Variants in SLC9A3 observed in about 807,000 individuals in gnomAD.
SLC9A3 encodes the protein solute carrier family 9 member A3.
A neutral mutation model predicts 86.8 loss-of-function variants in SLC9A3; 37 were observed. That is an observed-to-expected ratio of 0.43 (90% CI 0.33 to 0.56). The LOEUF is 0.56. Among genes scored for constraint, SLC9A3 ranks in the 20% least tolerant of loss-of-function variants. The pLI is 0.06. For synonymous variants in SLC9A3, 581 were observed against 528.3 expected (o/e 1.10, Z -1.37); for missense variants, 1,011 against 1,171.9 (o/e 0.86, Z 2.00).
chr5:511,222 GAACTATAA>G (rs950471572), intron 1 of SLC9A3, among the ~76,000 whole-genome samples: 2 of 152,242 alleles, frequency 1.3e-5, no homozygotes, highest in African/African-American at 4.8e-5. Context: ...GTAAAAGACA[GAACTATAA>G]AATTTCTAGA....
intron 1 of SLC9A3, among the ~76,000 whole-genome samples, chr5:493,499 G>A (rs746605370): frequency 3.3e-5 from 5 of 152,378 alleles, no homozygotes; most frequent in South Asian, 2.1e-4. Flanking sequence ...TTGCAGGGCC[G>A]GGTGCTGGCC....
In SLC9A3 at chr5:475,123, T is replaced by C; in HGVS notation, c.2261A>G (p.Asn754Ser). 6.3e-7 allele frequency: 1 copy of C among 1,593,328 alleles called. No homozygotes were observed. The highest frequency in any genetic ancestry group is 8.6e-7 in the Non-Finnish European group (1 of 1,169,020). The change falls in exon 16 of 17, where the codon AAC becomes AGC. Residue 754 changes from asparagine (N) to serine (S), a missense_variant. Asn to Ser is a conservative substitution (Grantham distance 46, BLOSUM62 1). Around this residue, in one of 3 missense-constraint regions of SLC9A3, gnomAD observed 397 missense variants for 346.3 expected, o/e 1.15. Coordinates refer to ENST00000264938, the MANE Select transcript of SLC9A3 (RefSeq NM_004174.4). ...TASDSPAGID[N>S]PVFSPDEALD... ...GGCCTCGTCCGGAGAAAACACAGGG[T>C]TGTCAATTCCTAGGAGAGAGGGCAG... is the stretch of plus-strand genomic sequence containing the variant.
At chr5:511,453 A>G (rs1740865716) in intron 1 of SLC9A3, among the ~76,000 whole-genome samples, 1 of 152,268 alleles carries the variant, frequency 6.6e-6, no homozygotes, top group Non-Finnish European at 1.5e-5. Context: ...CTCATAGGAA[A>G]AATAAACAAC....
chr5:485,004 G>T lies in SLC9A3; in HGVS notation c.754+149C>A, dbSNP rs568370106. The T allele has an allele frequency of 7.0e-5, 48 of 686,594 alleles. No homozygotes were observed. The South Asian group carries it at 7.7e-4, about 11-fold the overall frequency. 42.5% of individuals were successfully genotyped at this position (686,594 alleles called of 1,614,324 possible). On this transcript the variant is annotated intron_variant, in intron 4 of 16. Transcript: ENST00000264938. ...GACCATGTCAAATCGTGTGTGAATC[G>T]CTCTGGACGGGGACGTGACGTGGAC... is the stretch of plus-strand genomic sequence containing the variant.
Position 491,723 on chromosome 5 carries a change from G to C in SLC9A3, c.514+46C>G. The C allele has an allele frequency of 3.4e-6, 5 of 1,453,454 alleles. No individual in the cohort carries two copies. Among genetic ancestry groups the C allele is most frequent in the African/African-American group, 1.4e-5 (1 of 70,924 alleles). 90.0% of individuals were successfully genotyped at this position (1,453,454 alleles called of 1,614,324 possible). ...GAGATGAGGCAGCGCCGCCCCTCCC[G>C]GACCCCACCCTGATCCCGGCCGGGG... On this transcript the variant is annotated intron_variant, in intron 2 of 16. Coordinates refer to ENST00000264938, the MANE Select transcript of SLC9A3 (RefSeq NM_004174.4). The surrounding 1 kb of genome is among the most constrained non-coding windows in gnomAD (Gnocchi z 9.2).
rs183743722 is a variant in SLC9A3, at chr5:508,213, G to A, written c.211+15899C>T. On this transcript the variant is annotated intron_variant, in intron 1 of 16. Coordinates refer to ENST00000264938, the MANE Select transcript of SLC9A3 (RefSeq NM_004174.4). ...ACGCAGGCCTCAGGATGGAGTAGCC[G>A]CAGGCAGACGCAGTCCTCAGCGCGC... 7.8e-4 allele frequency among the ~76,000 whole-genome samples: 116 copies of A among 149,242 alleles called. 2 individuals carry two copies. Among genetic ancestry groups the A allele is most frequent in the African/African-American group, 2.8e-3 (113 of 40,570 alleles).
chr5:484,812 C>A, intron 4 of SLC9A3, 115 bp from the exon 5 acceptor site: 1 of 986,122 alleles, frequency 1.0e-6, no homozygotes, highest in Non-Finnish European at 1.5e-6. Flanking sequence ...GTGGATCCCT[C>A]ACTCTCTTGG....
rs553300408 is a variant in SLC9A3, at chr5:471,635, C to A, written c.*1744G>T. The A allele has an allele frequency of 2.4e-4, 95 of 392,888 alleles. No individual in the cohort carries two copies. The highest frequency in any genetic ancestry group is 1.8e-3 in the African/African-American group (89 of 48,232). The allele number at this position is 392,888 out of a possible 1,614,324, so 24.3% of individuals were successfully genotyped here. A position where few individuals can be genotyped will look rare whatever the true frequency, so the allele number is the denominator to read the frequency against. On this transcript the variant is annotated 3_prime_UTR_variant, in exon 17 of 17. Transcript: ENST00000264938. ...CAGTAGGGTCACTGACTGGGCAGGG[C>A]TTGCTGCATAGAGGATGGCTGCATT...
At position 475,015 on chromosome 5, in the gene SLC9A3, T is replaced by A. The variant is rs1364910814; in HGVS notation, c.2369A>T (p.Gln790Leu). ...TVVPSQRART[Q>L]IPYSPGTFCR... The stretch of plus-strand genomic sequence containing the variant: ...GAAGGTGCCGGGAGAGTAGGGAATC[T>A]GCGTGCGGGCCCTCTGCGAGGGGAC... The change falls in exon 16 of 17, where the codon CAG becomes CTG. Residue 790 changes from glutamine (Q) to leucine (L), a missense_variant. Physicochemically the swap from Gln to Leu is moderately radical, Grantham distance 113. Coordinates refer to ENST00000264938, the MANE Select transcript of SLC9A3 (RefSeq NM_004174.4). 1 of 1,612,194 alleles carries A rather than the reference T, an allele frequency of 6.2e-7. No homozygotes were observed. The highest frequency in any genetic ancestry group is 1.3e-5 in the African/African-American group (1 of 74,848).
chr5:500,204 G>A (rs559002799), intron 1 of SLC9A3, among the ~76,000 whole-genome samples: 6 of 152,356 alleles, frequency 3.9e-5, no homozygotes, highest in South Asian at 4.1e-4. Context: ...GGAACCAGGC[G>A]GTGTGGGACC....
At position 494,165 on chromosome 5, in the gene SLC9A3, C is replaced by G. The variant is rs376425248; in HGVS notation, c.212-2094G>C. On this transcript the variant is annotated intron_variant, in intron 1 of 16. Transcript: ENST00000264938. ...GAAGGTGCTCCCCAGCTGGGAGTGG[C>G]TGTGATGCACGTGAGAAGTCCTGGG... Among the ~76,000 whole-genome samples, 97 of 152,382 alleles carry G rather than the reference C, an allele frequency of 6.4e-4. 4 individuals carry two copies. The East Asian group carries it at 0.012, about 19-fold the overall frequency.
At chr5:490,904 A>G (rs554008839) in intron 2 of SLC9A3, among the ~76,000 whole-genome samples, 1 of 152,254 alleles carries the variant, frequency 6.6e-6, no homozygotes, top group East Asian at 1.9e-4. Context: ...GCGCCAAGGA[A>G]CCACGTGCTG....
At position 508,011 on chromosome 5, in the gene SLC9A3, C is replaced by T. The variant is rs934477586; in HGVS notation, c.212-15940G>A. ...CACCCCACAGACGCCTGAATCTCCC[C>T]GCTACACCCAAATGCCCACCCACAC... On this transcript the variant is annotated intron_variant, in intron 1 of 16. Transcript: ENST00000264938. Among the ~76,000 whole-genome samples the T allele has an allele frequency of 3.9e-5, 6 of 152,184 alleles. No individual in the cohort carries two copies. The South Asian group carries it at 1.0e-3, about 26-fold the overall frequency.
chr5:509,062 C>T (rs768730267), intron 1 of SLC9A3, among the ~76,000 whole-genome samples: 8 of 151,186 alleles, frequency 5.3e-5, no homozygotes, highest in African/African-American at 1.5e-4. Context: ...GAGCTGAGAT[C>T]GCACCACTGC....
chr5:473,056 G>A lies in SLC9A3; in HGVS notation c.*323C>T, dbSNP rs1043597458. 122 of 318,798 alleles carry A rather than the reference G, an allele frequency of 3.8e-4. No homozygotes were observed. The highest frequency in any genetic ancestry group is 4.9e-4 in the Non-Finnish European group (87 of 177,322). 19.7% of individuals were successfully genotyped at this position (318,798 alleles called of 1,614,324 possible). A position where few individuals can be genotyped will look rare whatever the true frequency, so the allele number is the denominator to read the frequency against. ...AGCTTCAGCAGCGCGGGGCGGCGGC[G>A]CGCGCGAGGCCGCTGGAACGAGCGC... On this transcript the variant is annotated 3_prime_UTR_variant, in exon 17 of 17. Transcript: ENST00000264938.
At chr5:521,376 G>A (rs966811109) in intron 1 of SLC9A3, among the ~76,000 whole-genome samples, 13 of 152,236 alleles carry the variant, frequency 8.5e-5, no homozygotes, top group African/African-American at 3.1e-4. Flanking sequence ...CAAGCTGCCT[G>A]GAGTAGAAAT....
At position 473,157 on chromosome 5, in the gene SLC9A3, G is replaced by GGCGCAGGCCCCGCCCCCT; in HGVS notation, c.*221_*222insAGGGGGCGGGGCCTGCGC. 7.7e-6 allele frequency: 3 copies of GGCGCAGGCCCCGCCCCCT among 391,628 alleles called. No individual in the cohort carries two copies. The highest frequency in any genetic ancestry group is 1.2e-5 in the Non-Finnish European group (3 of 243,770). The allele number at this position is 391,628 out of a possible 1,614,324, so 24.3% of individuals were successfully genotyped here. On this transcript the variant is annotated 3_prime_UTR_variant, in exon 17 of 17. Transcript: ENST00000264938. The stretch of plus-strand genomic sequence containing the variant: ...CCCTCGGCGCTCCGGCCCCGCCCCC[G>GGCGCAGGCCCCGCCCCCT]GCGCAGGCCCCGCCCCCGGCTCGCC...
rs1015786184 is a variant in SLC9A3, at chr5:484,394, C to T, written c.932+126G>A. On this transcript the variant is annotated intron_variant, in intron 5 of 16. Transcript: ENST00000264938. ...CCCCTGGCTGGCTCGCCCCGCCGGA[C>T]CCAGGAGGGTGTGGAGAAGCTCGGG... 9 of 525,950 alleles carry T rather than the reference C, an allele frequency of 1.7e-5. No homozygotes were observed. In the African/African-American group the frequency reaches 1.9e-4, roughly 11 times the overall value. The allele number at this position is 525,950 out of a possible 1,614,324, so 32.6% of individuals were successfully genotyped here.
In SLC9A3 at chr5:471,100, C is replaced by T. The variant is rs1465698644; in HGVS notation, c.*2279G>A. ...CTCTGGTTCCGTGTTTGTGTTTAGCCTGTGCAATTCTCGTCAACACAGAAC... is the reference window on the plus strand; with the variant it reads ...CTCTGGTTCCGTGTTTGTGTTTAGCTTGTGCAATTCTCGTCAACACAGAAC... On this transcript the variant is annotated 3_prime_UTR_variant, in exon 17 of 17. Coordinates refer to ENST00000264938, the MANE Select transcript of SLC9A3 (RefSeq NM_004174.4). 1 of 153,750 alleles carries T rather than the reference C, an allele frequency of 6.5e-6. No homozygotes were observed. The highest frequency in any genetic ancestry group is 1.4e-5 in the Non-Finnish European group (1 of 69,058). The allele number at this position is 153,750 out of a possible 1,614,324, so 9.5% of individuals were successfully genotyped here. A position where few individuals can be genotyped will look rare whatever the true frequency, so the allele number is the denominator to read the frequency against.
Sources: gnomAD v4.1 joint callset for allele counts (sites outside exome capture counted in the v4.1 genomes callset) on GRCh38, gnomAD v4.1.1 for gene constraint, gnomAD v4.1.1 regional missense constraint, Gnocchi (gnomAD v3.1) non-coding constraint, MANE v1.5 for transcripts, NCBI Gene and HGNC (gene_info 2026-07-23, HGNC 2026-07-21) for gene names.